The following ANKRD40CL variants were observed in gnomAD, a reference collection of about 807,000 sequenced individuals.
The protein encoded by ANKRD40CL is ANKRD40 C-terminal like.
For missense variants in ANKRD40CL, 11 were observed against 6.4 expected, an observed-to-expected ratio of 1.71 and a Z score of -0.77; for synonymous variants, 5 against 2.3, an observed-to-expected ratio of 2.14 and a Z score of -1.04.
At chr17:50,765,914 G>A (rs1249596033) in intron 2 of ANKRD40CL, among the ~76,000 whole-genome samples, 2 of 152,138 alleles carry the variant, frequency 1.3e-5, no homozygotes, top group African/African-American at 2.4e-5. Flanking sequence ...TTGTCCCATC[G>A]GACACCACTT....
chr17:50,761,161 T>G lies in ANKRD40CL; in HGVS notation c.*202A>C, dbSNP rs1971194637. 5 of 291,818 alleles carry G rather than the reference T, an allele frequency of 1.7e-5. No individual in the cohort carries two copies. The highest frequency in any genetic ancestry group is 3.1e-5 in the Non-Finnish European group (5 of 160,022). The allele number at this position is 291,818 out of a possible 1,614,324, so 18.1% of individuals were successfully genotyped here. ...TTCAGGTGATTCTCCTGCCTCAGCT[T>G]CCCATGTAGCTGGGACTACTACAGG... On this transcript the variant is annotated 3_prime_UTR_variant, in exon 4 of 4. Transcript: ENST00000450727.
intron 2 of ANKRD40CL, among the ~76,000 whole-genome samples, chr17:50,766,223 C>T (rs559849686): frequency 2.0e-5 from 3 of 152,114 alleles, no homozygotes; most frequent in Non-Finnish European, 4.4e-5. Flanking sequence ...AGGGCTGTGG[C>T]TCCTTCTCAG....
At chr17:50,767,187 G>A (rs780750862) in intron 1 of ANKRD40CL, 176 bp from the exon 2 acceptor site, 9 of 631,614 alleles carry the variant, frequency 1.4e-5, no homozygotes, top group South Asian at 7.6e-5. Flanking sequence ...TGTCCCCACT[G>A]GAAGACGGTG....
intron 3 of ANKRD40CL, among the ~76,000 whole-genome samples, chr17:50,761,941 A>ATT (rs111617978): frequency 2.0e-5 from 3 of 146,618 alleles, no homozygotes; most frequent in South Asian, 2.1e-4. Context: ...ATAGTTCTGT[A>ATT]TTTTTTTTTT....
At position 50,761,033 on chromosome 17, in the gene ANKRD40CL, A is replaced by ATTTATTTATTTATTTATTTAT. The variant is rs1971190807; in HGVS notation, c.*329_*330insATAAATAAATAAATAAATAAA. 6.1e-5 allele frequency: 9 copies of ATTTATTTATTTATTTATTTAT among 148,690 alleles called. No homozygotes were observed. In the South Asian group the frequency reaches 1.7e-3, roughly 29 times the overall value. The allele number at this position is 148,690 out of a possible 1,614,324, so 9.2% of individuals were successfully genotyped here. A position where few individuals can be genotyped will look rare whatever the true frequency, so the allele number is the denominator to read the frequency against. On this transcript the variant is annotated 3_prime_UTR_variant, in exon 4 of 4. Coordinates refer to ENST00000450727, the MANE Select transcript of ANKRD40CL (RefSeq NM_001358683.3). ...TTCAGTTTTTTAATTCCTGGGATTG[A>ATTTATTTATTTATTTATTTAT]TTATTTATTTATTTATTTATTTTGA...
At chr17:50,765,286 T>C (rs1313694286) in intron 2 of ANKRD40CL, among the ~76,000 whole-genome samples, 1 of 152,260 alleles carries the variant, frequency 6.6e-6, no homozygotes, top group African/African-American at 2.4e-5. Flanking sequence ...CTAGCAATTT[T>C]AAATTACATA....
chr17:50,762,054 C>G (rs1231454670), intron 3 of ANKRD40CL, among the ~76,000 whole-genome samples: 3 of 152,016 alleles, frequency 2.0e-5, no homozygotes, highest in Non-Finnish European at 2.9e-5. Context: ...TCCACTTCCA[C>G]TGCAGCCTCC....
At chr17:50,767,409 C>T in intron 1 of ANKRD40CL, 54 bp downstream of exon 1, 1 of 333,186 alleles carries the variant, frequency 3.0e-6, no homozygotes, top group South Asian at 2.5e-5. Flanking sequence ...TACTCCCAGC[C>T]CCTTCCTCAG....
chr17:50,765,429 G>A (rs943858064), intron 2 of ANKRD40CL, among the ~76,000 whole-genome samples: 7 of 152,174 alleles, frequency 4.6e-5, no homozygotes. Flanking sequence ...TTCTGGAAAA[G>A]AGAAAAGCCT....
At chr17:50,761,914 C>T (rs577916954) in intron 3 of ANKRD40CL, among the ~76,000 whole-genome samples, 1 of 151,888 alleles carries the variant, frequency 6.6e-6, no homozygotes, top group Non-Finnish European at 1.5e-5. Flanking sequence ...TGAGCCACTG[C>T]GCCCGGTCCC....
intron 2 of ANKRD40CL, chr17:50,763,961 T>C (rs1252029731): frequency 7.6e-6 from 3 of 393,268 alleles, no homozygotes; most frequent in Non-Finnish European, 1.3e-5. Flanking sequence ...GAAGCTATTG[T>C]GCAGAGGAGC....
chr17:50,765,724 G>A (rs1009795937), intron 2 of ANKRD40CL, among the ~76,000 whole-genome samples: 2 of 152,146 alleles, frequency 1.3e-5, no homozygotes, highest in African/African-American at 2.4e-5. Flanking sequence ...GATGGGGGTG[G>A]GTGAGAGTGT....
At chr17:50,767,070 T>G (rs1344680093) in intron 1 of ANKRD40CL, 59 bp from the exon 2 acceptor site, 2 of 691,772 alleles carry the variant, frequency 2.9e-6, no homozygotes, top group Non-Finnish European at 5.2e-6. Flanking sequence ...GGGTCATTTT[T>G]ATTTTATAGA....
intron 2 of ANKRD40CL, chr17:50,763,810 A>G: frequency 2.7e-6 from 1 of 377,140 alleles, no homozygotes; most frequent in Non-Finnish European, 4.7e-6. Context: ...TTGCAGCTTT[A>G]AGCCAGCCAA....
chr17:50,765,334 C>T (rs1003681494), intron 2 of ANKRD40CL, among the ~76,000 whole-genome samples: 6 of 152,156 alleles, frequency 3.9e-5, no homozygotes, highest in Non-Finnish European at 5.9e-5. Flanking sequence ...CAGCATTAGT[C>T]TAGATGAAAG....
At chr17:50,761,963 C>G (rs1431220321) in intron 3 of ANKRD40CL, among the ~76,000 whole-genome samples, 3 of 150,710 alleles carry the variant, frequency 2.0e-5, no homozygotes, top group African/African-American at 7.3e-5. Flanking sequence ...GAGACAGGGT[C>G]TCGCTCTGTC....
intron 3 of ANKRD40CL, among the ~76,000 whole-genome samples, chr17:50,762,663 A>AGG: frequency 6.6e-6 from 1 of 152,240 alleles, no homozygotes; most frequent in Non-Finnish European, 1.5e-5. Flanking sequence ...CCAAAATTAA[A>AGG]AATTAAGATC....
chr17:50,766,881 C>T lies in ANKRD40CL; in HGVS notation c.33G>A (p.Lys11=). ...CAGGACTCCCAGACTCACCTGCTGG[C>T]TTCTCCCCGATGTCCTGTTCCGGTT... The part of the protein sequence containing the change: MAEPEQDIGE[K]PAVRIQNPKE... The change falls in exon 2 of 4, where the codon AAG becomes AAA. Residue 11 remains lysine, a synonymous_variant. Transcript: ENST00000450727. 1 of 664,788 alleles carries T rather than the reference C, an allele frequency of 1.5e-6. No homozygotes were observed. The highest frequency in any genetic ancestry group is 2.7e-6 in the Non-Finnish European group (1 of 365,294). 41.2% of individuals were successfully genotyped at this position (664,788 alleles called of 1,614,324 possible).
At chr17:50,761,851 G>A (rs145497907) in intron 3 of ANKRD40CL, among the ~76,000 whole-genome samples, 6 of 152,190 alleles carry the variant, frequency 3.9e-5, no homozygotes, top group African/African-American at 9.6e-5. Flanking sequence ...TTGAACTCCT[G>A]ACTTCAGGTG....
Sources: allele counts gnomAD v4.1 joint callset (sites outside exome capture counted in the v4.1 genomes callset), GRCh38; gene constraint gnomAD v4.1.1; transcripts MANE v1.5; gene names NCBI Gene and HGNC (gene_info 2026-07-23, HGNC 2026-07-21).